ZNF438: variants seen among roughly 807,000 people sequenced by gnomAD.
ZNF438 encodes the protein zinc finger protein 438.
In ZNF438, 25 loss-of-function variants were observed where a neutral mutation model predicts 38.0. That is an observed-to-expected ratio of 0.66 (90% CI 0.48 to 0.92). The LOEUF (loss-of-function observed/expected upper bound fraction) is 0.92. Among genes scored for constraint, ZNF438 ranks in the 40% least tolerant of loss-of-function variants. The pLI is 0.00. For synonymous variants in ZNF438, 372 were observed against 364.1 expected (o/e 1.02, Z -0.25); for missense variants, 1,007 against 999.6 (o/e 1.01, Z -0.10).
intron 1 of ZNF438, among the ~76,000 whole-genome samples, chr10:31,008,221 T>C (rs1157761756): frequency 6.6e-6 from 1 of 152,220 alleles, no homozygotes; most frequent in East Asian, 1.9e-4. Flanking sequence ...ATAATAATAA[T>C]ATCTTTTCAA....
intron 1 of ZNF438, among the ~76,000 whole-genome samples, chr10:30,956,623 T>A (rs569988293): frequency 6.6e-6 from 1 of 152,278 alleles, no homozygotes; most frequent in South Asian, 2.1e-4. Context: ...GAGATAAACG[T>A]TTTTAGATTC....
chr10:30,990,457 C>T (rs1250291063), intron 1 of ZNF438, among the ~76,000 whole-genome samples: 1 of 152,122 alleles, frequency 6.6e-6, no homozygotes, highest in Admixed American at 6.5e-5. Context: ...AGATACTTGC[C>T]AGAAATACAA....
chr10:30,918,579 G>A (rs1447706390), intron 2 of ZNF438, among the ~76,000 whole-genome samples: 1 of 151,998 alleles, frequency 6.6e-6, no homozygotes, highest in Non-Finnish European at 1.5e-5. Flanking sequence ...TGCCTCCATC[G>A]CATTTTCACT....
rs149021775 is a variant in ZNF438 at position 30,941,904 on chromosome 10, T to C, written c.-191-253A>G. The stretch of plus-strand genomic sequence containing the variant: ...AACCTGCTAAAAATTCTAGAAAATA[T>C]ATTATTAGATATTTAAGCCTGATTT... On this transcript the variant is annotated intron_variant, in intron 1 of 5. Transcript: ENST00000413025. 3.2e-4 allele frequency among the ~76,000 whole-genome samples: 48 copies of C among 152,342 alleles called. 2 individuals carry two copies. In the East Asian group the frequency reaches 9.2e-3, roughly 29 times the overall value.
At chr10:30,965,871 T>C (rs2050058879) in intron 1 of ZNF438, among the ~76,000 whole-genome samples, 1 of 152,168 alleles carries the variant, frequency 6.6e-6, no homozygotes, top group African/African-American at 2.4e-5. Flanking sequence ...TCACACAATA[T>C]ACTCATGTAA....
At chr10:31,017,111 T>C (rs1176359124) in intron 1 of ZNF438, among the ~76,000 whole-genome samples, 1 of 152,204 alleles carries the variant, frequency 6.6e-6, no homozygotes, top group Non-Finnish European at 1.5e-5. Context: ...ATTAATGCAA[T>C]TAAGTCTTCC....
In ZNF438 at chr10:30,845,176, G is replaced by A. The variant is rs775711700; in HGVS notation, c.2272C>T (p.Gln758Ter). 2.5e-6 allele frequency: 4 copies of A among 1,614,062 alleles called. No homozygotes were observed. In the African/African-American group the frequency reaches 5.3e-5, roughly 22 times the overall value. Reference sequence around the variant, plus strand: ...TGGAGGCCAGGACACTCAGGGCCCTGGCAGGTTTCCCTTGGCTTGTTGGTT... The same window carrying A: ...TGGAGGCCAGGACACTCAGGGCCCTAGCAGGTTTCCCTTGGCTTGTTGGTT... The change falls in exon 6 of 6, where the codon CAG (glutamine) becomes TAG (stop). Residue 758 changes from glutamine to a stop codon, truncating the protein, a stop_gained. Coordinates refer to ENST00000413025, the Ensembl canonical transcript of ZNF438. LOFTEE classifies it low-confidence loss of function (END_TRUNC).
intron 1 of ZNF438, among the ~76,000 whole-genome samples, chr10:30,991,579 G>T (rs1374567223): frequency 5.9e-5 from 9 of 152,188 alleles, no homozygotes; most frequent in African/African-American, 2.2e-4. Context: ...AGTGGTGCAA[G>T]GTTCTACCTG....
chr10:31,009,748 A>T (rs929090338), intron 1 of ZNF438, among the ~76,000 whole-genome samples: 4 of 152,148 alleles, frequency 2.6e-5, no homozygotes, highest in Non-Finnish European at 4.4e-5. Context: ...TATTTTTTTT[A>T]AATGCAAAGC....
chr10:31,005,105 T>C (rs2054998883), intron 1 of ZNF438, among the ~76,000 whole-genome samples: 1 of 152,106 alleles, frequency 6.6e-6, no homozygotes, highest in Non-Finnish European at 1.5e-5. Flanking sequence ...ATTCCTCCAG[T>C]GGGTAGATAT....
rs139060598 is a variant in ZNF438 at position 30,845,065 on chromosome 10, A to G, written c.2383T>C (p.Trp795Arg). ...TCCTCACAGTTATGCTGGTGCTTCC[A>G]GTGGTGGAGGAGGTCCTCTTTCCGT... The change falls in exon 6 of 6, where the codon TGG (tryptophan) becomes CGG (arginine). Residue 795 changes from tryptophan to arginine, a missense_variant. Transcript: ENST00000413025. 3.7e-6 allele frequency: 6 copies of G among 1,614,162 alleles called. No homozygotes were observed. In the African/African-American group the frequency reaches 4.0e-5, roughly 11 times the overall value.
intron 4 of ZNF438, among the ~76,000 whole-genome samples, chr10:30,872,611 G>T (rs1323365431): frequency 2.0e-5 from 3 of 150,982 alleles, no homozygotes; most frequent in Non-Finnish European, 3.0e-5. Context: ...TTAGCCGGGG[G>T]TGGGGGCAGG....
At chr10:31,017,516 G>A (rs2056286179) in intron 1 of ZNF438, among the ~76,000 whole-genome samples, 1 of 152,158 alleles carries the variant, frequency 6.6e-6, no homozygotes, top group Non-Finnish European at 1.5e-5. Flanking sequence ...ATTTCAAAAG[G>A]TCTGTTTGCC....
chr10:30,955,363 C>T (rs979931094), intron 1 of ZNF438, among the ~76,000 whole-genome samples: 2 of 152,204 alleles, frequency 1.3e-5, no homozygotes, highest in African/African-American at 4.8e-5. Flanking sequence ...TGTCTTCTCT[C>T]ACTAAAACTG....
At position 30,876,279 on chromosome 10, in the gene ZNF438, T is replaced by A. The variant is rs190318235; in HGVS notation, c.37+719A>T. 4.6e-5 allele frequency among the ~76,000 whole-genome samples: 7 copies of A among 152,294 alleles called. No individual in the cohort carries two copies. In the East Asian group the frequency reaches 1.4e-3, roughly 29 times the overall value. ...ATTTTGCCTCATTAAAGATATGTCT[T>A]TTTTCTCATACATGTCAGAACTTCT... On this transcript the variant is annotated intron_variant, in intron 4 of 5. Transcript: ENST00000413025.
intron 2 of ZNF438, among the ~76,000 whole-genome samples, chr10:30,922,946 C>A (rs2044487060): frequency 6.6e-6 from 1 of 151,966 alleles, no homozygotes. Flanking sequence ...TTAGGTTAAA[C>A]AGGGTGCCCC....
intron 1 of ZNF438, among the ~76,000 whole-genome samples, chr10:30,997,058 G>C (rs2054123990): frequency 6.6e-6 from 1 of 152,056 alleles, no homozygotes; most frequent in Admixed American, 6.6e-5. Flanking sequence ...TACCCAGAAA[G>C]ACATTTGTAG....
At chr10:30,950,273 C>T (rs1211247387) in intron 1 of ZNF438, among the ~76,000 whole-genome samples, 1 of 152,046 alleles carries the variant, frequency 6.6e-6, no homozygotes, top group African/African-American at 2.4e-5. Context: ...ATTTATAGCA[C>T]TAAATGCCCA....
chr10:31,009,629 CT>C (rs1446173408), intron 1 of ZNF438, among the ~76,000 whole-genome samples: 1 of 152,154 alleles, frequency 6.6e-6, no homozygotes, highest in African/African-American at 2.4e-5. Context: ...CTGCAAAACC[CT>C]CAACCTTAAA....
Sources: gnomAD v4.1 joint callset for allele counts (sites outside exome capture counted in the v4.1 genomes callset) on GRCh38, gnomAD v4.1.1 for gene constraint, MANE v1.5 for transcripts, NCBI Gene and HGNC (gene_info 2026-07-23, HGNC 2026-07-21) for gene names.